EPB41L2: variants seen among roughly 807,000 people sequenced by gnomAD.
EPB41L2 encodes the protein erythrocyte membrane protein band 4.1 like 2.
Under a neutral mutation model 113.0 loss-of-function variants are expected in EPB41L2, and 43 were observed. The observed-to-expected ratio is 0.38, with a 90% CI of 0.30 to 0.49. The LOEUF (loss-of-function observed/expected upper bound fraction) is 0.49, where lower values mean the gene tolerates loss of function less well. EPB41L2 is among the 20% of genes least tolerant of loss of function. The pLI, the probability that EPB41L2 is intolerant of heterozygous loss-of-function variation, is 0.95. For synonymous variants in EPB41L2, 442 were observed against 436.7 expected, an observed-to-expected ratio of 1.01 and a Z score of -0.15; for missense variants, 1,147 against 1,223.4, an observed-to-expected ratio of 0.94 and a Z score of 0.93.
At chr6:130,954,383 C>G (rs1219056275) in intron 3 of EPB41L2, among the ~76,000 whole-genome samples, 8 of 152,098 alleles carry the variant, frequency 5.3e-5, no homozygotes, top group Admixed American at 5.2e-4. Context: ...TTTAACTTCT[C>G]TAAGCCCTAA....
chr6:130,972,089 C>T (rs73621564), intron 1 of EPB41L2, among the ~76,000 whole-genome samples: 3,074 of 152,082 alleles, frequency 0.02, 116 homozygotes, highest in African/African-American at 0.069. Flanking sequence ...TTTGTGAGGC[C>T]GATGTGGACG....
intron 1 of EPB41L2, among the ~76,000 whole-genome samples, chr6:131,041,519 T>C (rs895507864): frequency 5.3e-5 from 8 of 152,168 alleles, no homozygotes; most frequent in Admixed American, 5.2e-4. Flanking sequence ...TATACACTGA[T>C]AACTAGGAAG....
chr6:130,904,636 A>G (rs2128503111), intron 5 of EPB41L2, 96 bp from the exon 6 acceptor site: 1 of 560,034 alleles, frequency 1.8e-6, no homozygotes, highest in Non-Finnish European at 3.0e-6. Flanking sequence ...GTACAGACTA[A>G]TCCAACTATA....
intron 1 of EPB41L2, among the ~76,000 whole-genome samples, chr6:131,051,124 T>C (rs1326339745): frequency 2.0e-5 from 3 of 152,136 alleles, no homozygotes; most frequent in Non-Finnish European, 4.4e-5. Context: ...GAACTTTTCC[T>C]AGGAAGTAGC....
chr6:130,880,597 C>T (rs1416020204), intron 12 of EPB41L2: 2 of 527,934 alleles, frequency 3.8e-6, no homozygotes, highest in Non-Finnish European at 6.7e-6. Flanking sequence ...CCAGTGTTAC[C>T]AACCTTTACT....
chr6:130,898,538 A>G (rs898644992), intron 8 of EPB41L2, among the ~76,000 whole-genome samples: 99 of 152,300 alleles, frequency 6.5e-4, no homozygotes, highest in African/African-American at 2.3e-3. Context: ...CCACTACATA[A>G]TCATCTAAAC....
Position 130,894,379 on chromosome 6 carries a change from T to C in EPB41L2, c.1452A>G (p.Leu484=), listed in dbSNP as rs758585681. ...KLPNHRAAKR[L]WKVCVEHHTF... Reference sequence around the variant, plus strand: ...TATGATGCTCCACGCACACTTTCCATAGTCTTTTCGCTGCCCGGTGGTTTG... The same window carrying C: ...TATGATGCTCCACGCACACTTTCCACAGTCTTTTCGCTGCCCGGTGGTTTG... Residue 484 remains leucine (L), a synonymous_variant, in exon 10 of 20, where the codon CTA becomes CTG. Transcript: ENST00000337057. The C allele has an allele frequency of 1.2e-6, 2 of 1,613,774 alleles. No homozygotes were observed. The highest frequency in any genetic ancestry group is 1.7e-5 in the Admixed American group (1 of 59,994).
intron 4 of EPB41L2, among the ~76,000 whole-genome samples, chr6:130,911,179 G>GA (rs768831692): frequency 5.9e-4 from 90 of 152,270 alleles, no homozygotes; most frequent in Admixed American, 1.1e-3. Flanking sequence ...TATACACCAC[G>GA]AAATACTATG....
intron 9 of EPB41L2, 131 bp downstream of exon 9, chr6:130,894,836 C>G (rs995680473): frequency 9.6e-7 from 1 of 1,047,118 alleles, no homozygotes; most frequent in Non-Finnish European, 1.3e-6. Context: ...CATTAAGAAC[C>G]CTGACCTTTT....
intron 4 of EPB41L2, 96 bp from the exon 5 acceptor site, chr6:130,908,959 T>G: frequency 2.0e-6 from 2 of 1,005,174 alleles, no homozygotes; most frequent in South Asian, 3.3e-5. Flanking sequence ...TAAACACATT[T>G]TAATAAAGTA....
At chr6:130,880,014 C>G (rs184058035) in intron 13 of EPB41L2, 130 bp downstream of exon 13, 1 of 647,054 alleles carries the variant, frequency 1.5e-6, no homozygotes, top group Admixed American at 2.9e-5. Context: ...CATGCACTCC[C>G]GAGCTGAATT....
intron 1 of EPB41L2, among the ~76,000 whole-genome samples, chr6:130,958,882 A>G (rs1396744213): frequency 6.6e-6 from 1 of 152,230 alleles, no homozygotes; most frequent in Non-Finnish European, 1.5e-5. Flanking sequence ...GTAGAGGAGA[A>G]ATGTAATAAG....
At position 131,007,301 on chromosome 6, in the gene EPB41L2, T is replaced by G. The variant is rs572724171; in HGVS notation, c.-14-50802A>C. ...TTCGCTCAGCACTCATTCTCTCTCC[T>G]GCCGCCCTGTGAGGAGGTGTCTTCC... On this transcript the variant is annotated intron_variant, in intron 1 of 19. Coordinates refer to ENST00000337057, the MANE Select transcript of EPB41L2 (RefSeq NM_001431.4). Among the ~76,000 whole-genome samples the G allele has an allele frequency of 2.6e-5, 4 of 152,322 alleles. No individual in the cohort carries two copies. The South Asian group carries it at 8.3e-4, about 32-fold the overall frequency.
chr6:130,860,883 G>T (rs1781805253), intron 18 of EPB41L2, among the ~76,000 whole-genome samples: 2 of 152,130 alleles, frequency 1.3e-5, no homozygotes, highest in African/African-American at 4.8e-5. Context: ...ACACTCTGAA[G>T]AGACACTGCA....
chr6:131,002,121 T>C (rs1028634184), intron 1 of EPB41L2, among the ~76,000 whole-genome samples: 1 of 152,210 alleles, frequency 6.6e-6, no homozygotes, highest in Admixed American at 6.5e-5. Context: ...AAAAGAACTT[T>C]AACTACCTGT....
At chr6:130,966,202 A>G (rs1299077527) in intron 1 of EPB41L2, among the ~76,000 whole-genome samples, 1 of 152,194 alleles carries the variant, frequency 6.6e-6, no homozygotes, top group Non-Finnish European at 1.5e-5. Flanking sequence ...ATAATTATGT[A>G]AAGGTGACTC....
intron 1 of EPB41L2, among the ~76,000 whole-genome samples, chr6:130,977,630 C>T (rs1481796020): frequency 6.6e-6 from 1 of 152,128 alleles, no homozygotes; most frequent in Admixed American, 6.5e-5. Flanking sequence ...CCATAACCTC[C>T]CTCCTCCCCC....
chr6:130,878,361 A>C, intron 13 of EPB41L2, 111 bp from the exon 14 acceptor site: 1 of 1,265,756 alleles, frequency 7.9e-7, no homozygotes, highest in South Asian at 1.6e-5. Context: ...TAAAAAAAAA[A>C]CCATAGTAAA....
At chr6:130,895,217 GT>G in intron 8 of EPB41L2, 98 bp from the exon 9 acceptor site, 1 of 1,349,512 alleles carries the variant, frequency 7.4e-7, no homozygotes, top group Non-Finnish European at 1.0e-6. Context: ...AGGAATGACA[GT>G]TTAACAGGTT....
Sources: allele counts gnomAD v4.1 joint callset (sites outside exome capture counted in the v4.1 genomes callset), GRCh38; gene constraint gnomAD v4.1.1; transcripts MANE v1.5; gene names NCBI Gene and HGNC (gene_info 2026-07-23, HGNC 2026-07-21).